The following MYO15A variants were observed in gnomAD, a reference collection of about 807,000 sequenced individuals.
The protein encoded by MYO15A is myosin XVA.
In MYO15A, 308 loss-of-function variants were observed where a neutral mutation model predicts 394.6. The ratio of observed to expected loss-of-function variants is 0.78; its 90% confidence interval spans 0.71 to 0.86. The LOEUF (loss-of-function observed/expected upper bound fraction) is 0.86. Among genes scored for constraint, MYO15A ranks in the 40% least tolerant of loss-of-function variants. MYO15A has a pLI of 0.00. For missense variants in MYO15A, 4,606 were observed against 4,799.1 expected, an observed-to-expected ratio of 0.96 and a Z score of 1.19; for synonymous variants, 1,957 against 2,003.8, an observed-to-expected ratio of 0.98 and a Z score of 0.62.
At chr17:18,166,685 C>T (rs2046859950) in intron 61 of MYO15A, among the ~76,000 whole-genome samples, 164 bp downstream of exon 61, 3 of 152,160 alleles carry the variant, frequency 2.0e-5, no homozygotes, top group Admixed American at 1.3e-4. Flanking sequence ...TTGGAGAAAT[C>T]GAAACAGCCC....
Position 18,171,658 on chromosome 17 carries a change from T to A in MYO15A, c.10103T>A (p.Ile3368Asn). 6.2e-7 allele frequency: 1 copy of A among 1,613,836 alleles called. No homozygotes were observed. The highest frequency in any genetic ancestry group is 1.6e-4 in the Middle Eastern group (1 of 6,062). Residue 3368 changes from isoleucine to asparagine, a missense_variant, in exon 63 of 66, where the codon ATC becomes AAC. Physicochemically the swap from Ile to Asn is moderately radical, Grantham distance 149 (BLOSUM62 -3). Coordinates refer to ENST00000647165, the MANE Select transcript of MYO15A (RefSeq NM_016239.4). ...LPSVREVQEYIPAQLYRTTAG... is the reference protein window; with the variant it reads ...LPSVREVQEYNPAQLYRTTAG... ...CACAGGCGGGAAGTCCAGGAGTACA[T>A]CCCAGCCCAGCTCTACCGTACAACG...
intron 55 of MYO15A, 39 bp downstream of exon 55, chr17:18,159,718 C>A: frequency 6.2e-7 from 1 of 1,604,006 alleles, no homozygotes; most frequent in Non-Finnish European, 8.5e-7. Context: ...CCCTTTCCTG[C>A]TCTGTGGTTC....
At chr17:18,173,679 A>T in intron 64 of MYO15A, 102 bp from the exon 65 acceptor site, 1 of 1,506,154 alleles carries the variant, frequency 6.6e-7, no homozygotes, top group Non-Finnish European at 9.2e-7. Flanking sequence ...AACTGGAGTG[A>T]GTCTCCTGCC....
At chr17:18,128,232 G>T (rs2046088924) in intron 7 of MYO15A, among the ~76,000 whole-genome samples, 1 of 151,612 alleles carries the variant, frequency 6.6e-6, no homozygotes, top group African/African-American at 2.4e-5. Context: ...GAGCAGGTTT[G>T]TTGAGAAGAG....
In MYO15A at chr17:18,122,023, T is replaced by G. The variant is rs1265619087; in HGVS notation, c.3223T>G (p.Trp1075Gly). ...LAACDQTRAT[W>G]PPWHRWGTLP... ...TGCGTGTGACCAGACCAGGGCCACA[T>G]GGCCACCATGGCACCGCTGGGGAAC... is the stretch of plus-strand genomic sequence containing the variant. The change falls in exon 2 of 66, where the codon TGG (tryptophan) becomes GGG (glycine). Residue 1075 changes from tryptophan (W) to glycine (G), a missense_variant. By Grantham distance (184) the Trp-to-Gly change is radical. Coordinates refer to ENST00000647165, the MANE Select transcript of MYO15A (RefSeq NM_016239.4). 1 of 1,613,052 alleles carries G rather than the reference T, an allele frequency of 6.2e-7. No homozygotes were observed.
chr17:18,160,923 A>G (rs923885836), intron 56 of MYO15A: 1 of 370,578 alleles, frequency 2.7e-6, no homozygotes, highest in Non-Finnish European at 5.2e-6. Context: ...GGATTTTTAG[A>G]ACCACTCAGC....
At chr17:18,124,880 C>T (rs2046004410) in intron 3 of MYO15A, 6 of 587,352 alleles carry the variant, frequency 1.0e-5, no homozygotes, top group Non-Finnish European at 1.8e-5. Flanking sequence ...GTACTCAAAA[C>T]ATGAGGGCCG....
rs1267868260 is a variant in MYO15A at position 18,151,448 on chromosome 17, C to CCA, written c.7711_7712dup (p.Gln2571HisfsTer35). ...CTCTACGCTCAACTCTGAGCACTTC[C>CCA]CACAGCCCACACAGCAGATCAAGAA... On this transcript the variant is annotated frameshift_variant, in exon 40 of 66. Coordinates refer to ENST00000647165, the MANE Select transcript of MYO15A (RefSeq NM_016239.4). LOFTEE classifies it high-confidence loss of function. 6.2e-7 allele frequency: 1 copy of CCA among 1,614,082 alleles called. No individual in the cohort carries two copies. Among genetic ancestry groups the CCA allele is most frequent in the East Asian group, 2.2e-5 (1 of 44,898 alleles).
chr17:18,161,023 A>C (rs1567660137), intron 56 of MYO15A: 1 of 532,540 alleles, frequency 1.9e-6, no homozygotes, highest in East Asian at 3.8e-5. Flanking sequence ...AAGCCTCCCT[A>C]GAGAGATCCC....
intron 65 of MYO15A, chr17:18,176,507 A>G (rs1393815045): frequency 6.8e-6 from 1 of 146,500 alleles, no homozygotes; most frequent in Non-Finnish European, 1.5e-5. Context: ...AACATTGGGG[A>G]TCACATTTCT....
Position 18,124,322 on chromosome 17 carries a change from G to T in MYO15A, c.3610-161G>T, listed in dbSNP as rs949383693. The T allele has an allele frequency of 5.5e-6, 4 of 721,876 alleles. No individual in the cohort carries two copies. The East Asian group carries it at 1.1e-4, about 19-fold the overall frequency. The allele number at this position is 721,876 out of a possible 1,614,324, so 44.7% of individuals were successfully genotyped here. ...GTGTGAGGGTCGCATGCAGGTTCTG[G>T]GGGCCACAGCATTCTGTAATGAGGA... On this transcript the variant is annotated intron_variant, in intron 2 of 65. Coordinates refer to ENST00000647165, the MANE Select transcript of MYO15A (RefSeq NM_016239.4).
chr17:18,128,281 G>A (rs1207380526), intron 7 of MYO15A, among the ~76,000 whole-genome samples: 1 of 152,168 alleles, frequency 6.6e-6, no homozygotes, highest in Non-Finnish European at 1.5e-5. Flanking sequence ...GCAGGGAGGT[G>A]ATGGATGCAC....
At chr17:18,174,058 C>A in intron 65 of MYO15A, 137 bp downstream of exon 65, 2 of 1,259,688 alleles carry the variant, frequency 1.6e-6, no homozygotes, top group Non-Finnish European at 2.2e-6. Context: ...CAGCACAGCA[C>A]GGAACTGCAG....
rs1156761861 is a variant in MYO15A at position 18,141,667 on chromosome 17, T to C, written c.5546T>C (p.Val1849Ala). 6.2e-7 allele frequency: 1 copy of C among 1,613,894 alleles called. No individual in the cohort carries two copies. Among genetic ancestry groups the C allele is most frequent in the East Asian group, 2.2e-5 (1 of 44,894 alleles). ...QGFIDRYCCLVALKHDLPANG... is the reference protein window; with the variant it reads ...QGFIDRYCCLAALKHDLPANG... ...CCCCCTACCAGGTACTGCTGTCTAG[T>C]GGCCCTCAAGCATGACCTGCCGGCT... Residue 1849 changes from valine (V) to alanine (A), a missense_variant, in exon 23 of 66, where the codon GTG (valine) becomes GCG (alanine). By Grantham distance (64) the Val-to-Ala change is moderately conservative. Coordinates refer to ENST00000647165, the MANE Select transcript of MYO15A (RefSeq NM_016239.4).
Position 18,150,859 on chromosome 17 carries a change from C to T in MYO15A, c.7419C>T (p.Ala2473=). 2.5e-6 allele frequency: 4 copies of T among 1,596,606 alleles called. No individual in the cohort carries two copies. Among genetic ancestry groups the T allele is most frequent in the Non-Finnish European group, 3.4e-6 (4 of 1,171,932 alleles). Residue 2473 remains alanine (A), a synonymous_variant, in exon 38 of 66, where the codon GCC becomes GCT. Transcript: ENST00000647165. This position sits in a 1 kb window ranked among gnomAD's most constrained non-coding sequence, Gnocchi z 4.4. ...VLLAREMTLQ[A]TALQQQPLSA... ...AGGCCCGGGAGATGACCCTGCAGGCCACGGCACTCCAGCAGCAGCCCCTGA... is the reference window on the plus strand; with the variant it reads ...AGGCCCGGGAGATGACCCTGCAGGCTACGGCACTCCAGCAGCAGCCCCTGA...
intron 25 of MYO15A, among the ~76,000 whole-genome samples, chr17:18,143,217 A>G (rs1377539485): frequency 6.6e-6 from 1 of 152,230 alleles, no homozygotes; most frequent in South Asian, 2.1e-4. Context: ...TTCCCAAAGC[A>G]ATGAAGCAGT....
chr17:18,157,677 A>C lies in MYO15A; in HGVS notation c.8789-45A>C, dbSNP rs2046699363. On this transcript the variant is annotated intron_variant, in intron 50 of 65. Coordinates refer to ENST00000647165, the MANE Select transcript of MYO15A (RefSeq NM_016239.4). ...TCCCTAAAGGACCCCCTTAGTCACA[A>C]GACAAGACCCTCCTGTTTGCCTCAG... is the stretch of plus-strand genomic sequence containing the variant. 3.1e-6 allele frequency: 5 copies of C among 1,601,364 alleles called. No individual in the cohort carries two copies. The Admixed American group carries it at 8.3e-5, about 27-fold the overall frequency.
chr17:18,145,194 G>A (rs1731949664), intron 29 of MYO15A, among the ~76,000 whole-genome samples: 1 of 152,158 alleles, frequency 6.6e-6, no homozygotes, highest in Admixed American at 6.5e-5. Flanking sequence ...AGCCAAGGCA[G>A]GTGCTTCCAT....
intron 54 of MYO15A, 88 bp from the exon 55 acceptor site, chr17:18,159,518 C>T: frequency 6.5e-7 from 1 of 1,534,578 alleles, no homozygotes; most frequent in Admixed American, 1.7e-5. Flanking sequence ...GCCAAGGCTC[C>T]CAGGGAGGGG....
Sources: gnomAD v4.1 joint callset for allele counts (sites outside exome capture counted in the v4.1 genomes callset) on GRCh38, gnomAD v4.1.1 for gene constraint, Gnocchi (gnomAD v3.1) non-coding constraint, MANE v1.5 for transcripts, NCBI Gene and HGNC (gene_info 2026-07-23, HGNC 2026-07-21) for gene names.